Variants in YTHDF3 observed in about 807,000 individuals in gnomAD.
YTHDF3 encodes YTH N6-methyladenosine RNA binding protein F3.
In YTHDF3, 9 loss-of-function variants were observed where a neutral mutation model predicts 52.5. That is an observed-to-expected ratio of 0.17 (90% CI 0.10 to 0.30). YTHDF3 has a LOEUF of 0.30. Among genes scored for constraint, YTHDF3 ranks in the 10% least tolerant of loss-of-function variants. The pLI, the probability that YTHDF3 is intolerant of heterozygous loss-of-function variation, is 1.00. For synonymous variants in YTHDF3, 274 were observed against 243.3 expected (o/e 1.13, Z -1.18); for missense variants, 534 against 715.0 (o/e 0.75, Z 2.89).
At chr8:63,178,027 G>C (rs1471179463) in intron 3 of YTHDF3, among the ~76,000 whole-genome samples, 1 of 152,134 alleles carries the variant, frequency 6.6e-6, no homozygotes, top group African/African-American at 2.4e-5. Flanking sequence ...CAAAGTGCTG[G>C]GATTACAGGC....
At chr8:63,197,201 C>T (rs536294563) in intron 4 of YTHDF3, among the ~76,000 whole-genome samples, 1 of 152,160 alleles carries the variant, frequency 6.6e-6, no homozygotes. Context: ...ATCCCTAGCA[C>T]CTAGAAAAAT....
intron 2 of YTHDF3, chr8:63,172,817 T>G: frequency 8.1e-7 from 1 of 1,231,378 alleles, no homozygotes; most frequent in South Asian, 4.1e-5. Context: ...TCTGTTCTTT[T>G]TACCCCTGAA....
At chr8:63,195,062 A>T (rs1237812543) in intron 4 of YTHDF3, among the ~76,000 whole-genome samples, 1 of 152,216 alleles carries the variant, frequency 6.6e-6, no homozygotes, top group Non-Finnish European at 1.5e-5. Flanking sequence ...CTTGCCAGCC[A>T]ACAAGGCTCT....
chr8:63,207,934 A>T (rs1473190726), intron 4 of YTHDF3, among the ~76,000 whole-genome samples: 1 of 152,202 alleles, frequency 6.6e-6, no homozygotes, highest in African/African-American at 2.4e-5. Flanking sequence ...TTAGCAGTGA[A>T]TTAAACTTTC....
At chr8:63,197,333 G>T (rs565588741) in intron 4 of YTHDF3, among the ~76,000 whole-genome samples, 2 of 152,078 alleles carry the variant, frequency 1.3e-5, no homozygotes, top group African/African-American at 4.8e-5. Flanking sequence ...TGTAATCGCT[G>T]TTACTTGATC....
chr8:63,170,563 TA>T (rs1807257537), intron 2 of YTHDF3, among the ~76,000 whole-genome samples: 1 of 152,164 alleles, frequency 6.6e-6, no homozygotes, highest in South Asian at 2.1e-4. Flanking sequence ...GTTGTAAGCA[TA>T]AACCTGAAAT....
chr8:63,198,714 TAC>T (rs1442846208), intron 4 of YTHDF3, among the ~76,000 whole-genome samples: 8 of 152,238 alleles, frequency 5.3e-5, no homozygotes, highest in African/African-American at 1.9e-4. Flanking sequence ...AAAATAGTTA[TAC>T]TTATGACAAC....
chr8:63,168,633 T>G lies in YTHDF3; in HGVS notation c.-245T>G. 3.0e-6 allele frequency: 2 copies of G among 662,764 alleles called. No individual in the cohort carries two copies. The highest frequency in any genetic ancestry group is 1.9e-5 in the African/African-American group (1 of 53,626). 41.1% of individuals were successfully genotyped at this position (662,764 alleles called of 1,614,324 possible). A position where few individuals can be genotyped will look rare whatever the true frequency, so the allele number is the denominator to read the frequency against. On this transcript the variant is annotated 5_prime_UTR_variant, in exon 1 of 5. Transcript: ENST00000539294. Reference sequence around the variant, plus strand: ...TCGGAGCGGAAGTGAGACTAGGGAGTCTGTCCGCCATTGTGGACCCGAGAA... The same window carrying G: ...TCGGAGCGGAAGTGAGACTAGGGAGGCTGTCCGCCATTGTGGACCCGAGAA...
At chr8:63,184,535 C>G (rs1284222941) in intron 3 of YTHDF3, among the ~76,000 whole-genome samples, 1 of 152,170 alleles carries the variant, frequency 6.6e-6, no homozygotes, top group African/African-American at 2.4e-5. Flanking sequence ...AATAGTAAAA[C>G]AAGTAGCTTA....
chr8:63,174,244 T>G (rs887803995), intron 2 of YTHDF3, among the ~76,000 whole-genome samples: 1 of 152,206 alleles, frequency 6.6e-6, no homozygotes, highest in Non-Finnish European at 1.5e-5. Flanking sequence ...CATCGGAAAC[T>G]TTCAACTTTA....
At chr8:63,185,997 C>A in intron 3 of YTHDF3, 150 bp from the exon 4 acceptor site, 1 of 885,826 alleles carries the variant, frequency 1.1e-6, no homozygotes, top group Non-Finnish European at 1.6e-6. Flanking sequence ...GTTGATAAAA[C>A]TGGATTTGAA....
chr8:63,186,891 G>T lies in YTHDF3; in HGVS notation c.880G>T (p.Val294Phe). ...GGTAAAGGCTCCACCAACCCAACCA[G>T]TTCTGCCTCCTCAAACTATAATCCA... Reference protein sequence around the residue: ...SVVKAPPTQPVLPPQTIIQQP... With the variant: ...SVVKAPPTQPFLPPQTIIQQP... Residue 294 changes from valine to phenylalanine, a missense_variant, in exon 4 of 5, where the codon GTT (valine) becomes TTT (phenylalanine). By Grantham distance (50) the Val-to-Phe change is conservative. Coordinates refer to ENST00000539294, the MANE Select transcript of YTHDF3 (RefSeq NM_152758.6). 6.2e-7 allele frequency: 1 copy of T among 1,613,964 alleles called. No individual in the cohort carries two copies.
intron 4 of YTHDF3, among the ~76,000 whole-genome samples, chr8:63,201,814 T>A (rs1334001588): frequency 1.3e-5 from 2 of 152,234 alleles, no homozygotes; most frequent in African/African-American, 2.4e-5. Flanking sequence ...CAGTCTAGAA[T>A]ATAATAATTA....
chr8:63,181,760 G>T (rs1808153728), intron 3 of YTHDF3, among the ~76,000 whole-genome samples: 1 of 152,070 alleles, frequency 6.6e-6, no homozygotes, highest in African/African-American at 2.4e-5. Flanking sequence ...TTTATTTTTT[G>T]TCTCCAGTAA....
At position 63,193,337 on chromosome 8, in the gene YTHDF3, C is replaced by G. The variant is rs1398381698; in HGVS notation, c.1734+5592C>G. The stretch of plus-strand genomic sequence containing the variant: ...ATTGCAGTAAGCCAGGATTGCACCA[C>G]TCCACTCCAGCCTGGGTGACAGAGC... On this transcript the variant is annotated intron_variant, in intron 4 of 4. Transcript: ENST00000539294. Among the ~76,000 whole-genome samples, 3 of 145,244 alleles carry G rather than the reference C, an allele frequency of 2.1e-5. No homozygotes were observed. The Admixed American group carries it at 2.1e-4, about 10-fold the overall frequency.
chr8:63,172,767 T>C (rs944901896), intron 2 of YTHDF3: 4 of 1,231,414 alleles, frequency 3.2e-6, no homozygotes, highest in Non-Finnish European at 4.0e-6. Context: ...TGACTCTGTT[T>C]CATAGAGCAG....
intron 4 of YTHDF3, among the ~76,000 whole-genome samples, chr8:63,196,413 T>G (rs1809242550): frequency 6.6e-6 from 1 of 151,380 alleles, no homozygotes; most frequent in Non-Finnish European, 1.5e-5. Context: ...AATACAAAAA[T>G]TAGCGAGGCG....
intron 2 of YTHDF3, among the ~76,000 whole-genome samples, chr8:63,175,040 C>T (rs1807592611): frequency 6.6e-6 from 1 of 152,104 alleles, no homozygotes; most frequent in Admixed American, 6.5e-5. Flanking sequence ...TAACAATTTA[C>T]TCACTACAGT....
chr8:63,203,703 C>T (rs1418695859), intron 4 of YTHDF3, among the ~76,000 whole-genome samples: 1 of 152,150 alleles, frequency 6.6e-6, no homozygotes, highest in Non-Finnish European at 1.5e-5. Context: ...ACTAACGTTG[C>T]ATTTAGTTGT....
Sources: gnomAD v4.1 joint callset for allele counts (sites outside exome capture counted in the v4.1 genomes callset) on GRCh38, gnomAD v4.1.1 for gene constraint, MANE v1.5 for transcripts, NCBI Gene and HGNC (gene_info 2026-07-23, HGNC 2026-07-21) for gene names.